UBE2E2: variants seen among roughly 807,000 people sequenced by gnomAD.
The protein encoded by UBE2E2 is ubiquitin-conjugating enzyme E2 E2.
Under a neutral mutation model 24.7 loss-of-function variants are expected in UBE2E2, and 6 were observed. That is an observed-to-expected ratio of 0.24 (90% CI 0.13 to 0.48). The LOEUF (loss-of-function observed/expected upper bound fraction) is 0.48. Among genes scored for constraint, UBE2E2 ranks in the 20% least tolerant of loss-of-function variants. The pLI is 0.99. For synonymous variants in UBE2E2, 104 were observed against 83.6 expected (o/e 1.24, Z -1.33); for missense variants, 169 against 245.0 (o/e 0.69, Z 2.07).
At chr3:23,446,699 G>GTTTTTTTTTTTTTT (rs57327621) in intron 3 of UBE2E2, among the ~76,000 whole-genome samples, 1 of 112,230 alleles carries the variant, frequency 8.9e-6, no homozygotes, top group Non-Finnish European at 1.7e-5. Flanking sequence ...CGTCTGTTTG[G>GTTTTTTTTTTTTTT]TTTTTTTTTT....
intron 3 of UBE2E2, among the ~76,000 whole-genome samples, chr3:23,255,534 G>T (rs531576975): frequency 2.8e-4 from 42 of 152,160 alleles, no homozygotes; most frequent in Admixed American, 5.2e-4. Flanking sequence ...GGGATTTAGT[G>T]AGGCAGCTCA....
chr3:23,473,799 C>T (rs769289461), intron 3 of UBE2E2, among the ~76,000 whole-genome samples: 1 of 152,100 alleles, frequency 6.6e-6, no homozygotes, highest in Non-Finnish European at 1.5e-5. Context: ...TTTATCCACG[C>T]ATTGATTGTG....
chr3:23,318,471 A>G (rs1312432163), intron 3 of UBE2E2, among the ~76,000 whole-genome samples: 1 of 152,222 alleles, frequency 6.6e-6, no homozygotes, highest in Non-Finnish European at 1.5e-5. Context: ...GTCCATTTTC[A>G]TGTTGCTGAT....
chr3:23,440,796 G>A (rs1183427126), intron 3 of UBE2E2, among the ~76,000 whole-genome samples: 5 of 151,878 alleles, frequency 3.3e-5, no homozygotes, highest in East Asian at 1.9e-4. Flanking sequence ...TAAAAAAAAA[G>A]AAAAAAAGTG....
chr3:23,208,782 A>G lies in UBE2E2; in HGVS notation c.83A>G (p.Gln28Arg). Residue 28 changes from glutamine to arginine, a missense_variant, in exon 2 of 6, where the codon CAG becomes CGG. Physicochemically the swap from Gln to Arg is conservative, Grantham distance 43. Transcript: ENST00000396703. ...SSDGDQRESV[Q>R]QEPEREQVQP... ...GATGGAGATCAACGTGAAAGTGTTC[A>G]GCAAGAACCAGAAAGAGAACAAGTT... 1 of 1,613,908 alleles carries G rather than the reference A, an allele frequency of 6.2e-7. No individual in the cohort carries two copies. The highest frequency in any genetic ancestry group is 8.5e-7 in the Non-Finnish European group (1 of 1,179,840).
intron 5 of UBE2E2, among the ~76,000 whole-genome samples, chr3:23,564,013 G>A (rs1347009144): frequency 1.3e-5 from 2 of 149,012 alleles, no homozygotes; most frequent in African/African-American, 4.9e-5. Context: ...GAGAAAGAAG[G>A]AAGGAAGGAA....
intron 3 of UBE2E2, among the ~76,000 whole-genome samples, chr3:23,351,482 G>C (rs939815306): frequency 6.6e-6 from 1 of 152,172 alleles, no homozygotes; most frequent in African/African-American, 2.4e-5. Flanking sequence ...GCTGTATTCA[G>C]GAAACCCATC....
intron 3 of UBE2E2, among the ~76,000 whole-genome samples, chr3:23,248,839 T>C (rs760666911): frequency 6.6e-6 from 1 of 152,248 alleles, no homozygotes; most frequent in Non-Finnish European, 1.5e-5. Context: ...TTCAGCCGAA[T>C]GAACAGTGAG....
intron 3 of UBE2E2, among the ~76,000 whole-genome samples, chr3:23,316,731 C>G (rs1694591974): frequency 1.3e-5 from 2 of 152,028 alleles, no homozygotes. Context: ...TGGCACGCCT[C>G]AGAGTCTCGC....
chr3:23,237,785 A>T (rs749763276), intron 3 of UBE2E2, among the ~76,000 whole-genome samples: 14 of 152,180 alleles, frequency 9.2e-5, no homozygotes, highest in Non-Finnish European at 8.8e-5. Flanking sequence ...GTTTAGGAGA[A>T]TAATAGCTTT....
chr3:23,398,172 G>C (rs185960310), intron 3 of UBE2E2, among the ~76,000 whole-genome samples: 2 of 152,052 alleles, frequency 1.3e-5, no homozygotes, highest in East Asian at 3.9e-4. Flanking sequence ...ATTTAGCCAG[G>C]TTTGGTGGTG....
At chr3:23,436,932 T>G (rs1698198240) in intron 3 of UBE2E2, among the ~76,000 whole-genome samples, 1 of 152,188 alleles carries the variant, frequency 6.6e-6, no homozygotes, top group South Asian at 2.1e-4. Context: ...CTACAAGACA[T>G]TTAAAAAATA....
intron 3 of UBE2E2, among the ~76,000 whole-genome samples, chr3:23,365,071 TA>T (rs1376334330): frequency 1.3e-5 from 2 of 152,268 alleles, no homozygotes; most frequent in Non-Finnish European, 2.9e-5. Flanking sequence ...TAAAATTCAA[TA>T]TCCCTTCATG....
chr3:23,273,256 G>A (rs116750853), intron 3 of UBE2E2, among the ~76,000 whole-genome samples: 4,371 of 152,258 alleles, frequency 0.029, 108 homozygotes, highest in East Asian at 0.13. Flanking sequence ...GAGAAATGAT[G>A]GGGCCGGGCG....
chr3:23,220,457 C>T (rs1432113849), intron 3 of UBE2E2, among the ~76,000 whole-genome samples: 3 of 152,098 alleles, frequency 2.0e-5, no homozygotes, highest in Admixed American at 1.3e-4. Context: ...CTCATAAAAT[C>T]GTAGCGTCTG....
At chr3:23,299,597 A>G (rs1048462543) in intron 3 of UBE2E2, among the ~76,000 whole-genome samples, 6 of 152,018 alleles carry the variant, frequency 3.9e-5, no homozygotes, top group Non-Finnish European at 8.8e-5. Context: ...CACGGTTTTG[A>G]GTGAGTTTCT....
chr3:23,502,024 A>G (rs1423043077), intron 4 of UBE2E2, among the ~76,000 whole-genome samples: 3 of 152,214 alleles, frequency 2.0e-5, no homozygotes, highest in African/African-American at 7.2e-5. Context: ...TCAGTTTTAG[A>G]GATCAGATTC....
At chr3:23,471,243 A>G (rs1342865796) in intron 3 of UBE2E2, among the ~76,000 whole-genome samples, 1 of 152,222 alleles carries the variant, frequency 6.6e-6, no homozygotes, top group Non-Finnish European at 1.5e-5. Context: ...TACAGGAAGA[A>G]GATTCCTGAA....
chr3:23,222,732 C>T (rs768939641), intron 3 of UBE2E2, among the ~76,000 whole-genome samples: 15 of 152,052 alleles, frequency 9.9e-5, no homozygotes, highest in Non-Finnish European at 2.1e-4. Flanking sequence ...AATATATATA[C>T]CCAGTATAGG....
Sources: gnomAD v4.1 joint callset for allele counts (sites outside exome capture counted in the v4.1 genomes callset) on GRCh38, gnomAD v4.1.1 for gene constraint, MANE v1.5 for transcripts, NCBI Gene and HGNC (gene_info 2026-07-23, HGNC 2026-07-21) for gene names.